CSMD1: variants seen among roughly 807,000 people sequenced by gnomAD.
CSMD1 encodes CUB and Sushi multiple domains 1.
Under a neutral mutation model 417.5 loss-of-function variants are expected in CSMD1, and 213 were observed. The observed-to-expected ratio is 0.51, with a 90% CI of 0.46 to 0.57. The LOEUF is 0.57. CSMD1 is among the 20% of genes least tolerant of loss of function. The pLI, the probability that CSMD1 is intolerant of heterozygous loss-of-function variation, is 0.00. For synonymous variants in CSMD1, 2,862 were observed against 1,736.8 expected, an observed-to-expected ratio of 1.65 and a Z score of -16.11; for missense variants, 6,923 against 4,529.7, an observed-to-expected ratio of 1.53 and a Z score of -15.17.
intron 3 of CSMD1, among the ~76,000 whole-genome samples, chr8:4,096,381 G>T (rs562555006): frequency 2.7e-5 from 4 of 149,966 alleles, no homozygotes; most frequent in Non-Finnish European, 5.9e-5. Flanking sequence ...ATGGCCTAGT[G>T]GATGCCTATG....
chr8:3,367,797 G>C (rs115035062), intron 19 of CSMD1, among the ~76,000 whole-genome samples: 18 of 152,160 alleles, frequency 1.2e-4, no homozygotes, highest in African/African-American at 2.7e-4. Context: ...TATTGGCATA[G>C]ATATGTATAT....
chr8:3,794,215 C>T (rs1799913192), intron 5 of CSMD1, among the ~76,000 whole-genome samples: 1 of 152,112 alleles, frequency 6.6e-6, no homozygotes, highest in African/African-American at 2.4e-5. Flanking sequence ...GAGGGGTTTC[C>T]TTCTTGGGAC....
At chr8:3,852,509 G>A (rs764452165) in intron 5 of CSMD1, among the ~76,000 whole-genome samples, 4 of 152,148 alleles carry the variant, frequency 2.6e-5, no homozygotes, top group Non-Finnish European at 5.9e-5. Flanking sequence ...GACAGTTGAC[G>A]ATAAATTCCA....
rs942208269 is a variant in CSMD1 at position 4,758,642 on chromosome 8, C to A, written c.86-121084G>T. On this transcript the variant is annotated intron_variant, in intron 1 of 69. Transcript: ENST00000635120. ...ACTCAGTTCCACATGGCTGGGGAGG[C>A]CTCAGGAAACTTACAATCATGGCAA... Among the ~76,000 whole-genome samples the A allele has an allele frequency of 2.0e-5, 3 of 152,072 alleles. 1 individual carries two copies. The highest frequency in any genetic ancestry group is 4.4e-5 in the Non-Finnish European group (3 of 68,018).
At chr8:4,013,277 C>A (rs1223015257) in intron 4 of CSMD1, among the ~76,000 whole-genome samples, 4 of 152,188 alleles carry the variant, frequency 2.6e-5, no homozygotes, top group African/African-American at 7.2e-5. Flanking sequence ...ATTATCCCAT[C>A]TGCTCAGGCC....
At chr8:4,190,417 T>G (rs1416110231) in intron 3 of CSMD1, among the ~76,000 whole-genome samples, 1 of 152,134 alleles carries the variant, frequency 6.6e-6, no homozygotes, top group Non-Finnish European at 1.5e-5. Flanking sequence ...CATTTAATGA[T>G]TAACGCTCAT....
intron 6 of CSMD1, among the ~76,000 whole-genome samples, chr8:3,729,235 C>G (rs1802675580): frequency 6.6e-6 from 1 of 152,144 alleles, no homozygotes; most frequent in Admixed American, 6.5e-5. Flanking sequence ...CACACTCTTC[C>G]CTGCCTTTTT....
intron 1 of CSMD1, among the ~76,000 whole-genome samples, chr8:4,904,862 C>A (rs771788266): frequency 3.3e-5 from 5 of 152,104 alleles, no homozygotes; most frequent in African/African-American, 4.8e-5. Flanking sequence ...AAATTACTAC[C>A]TTTCGGGACT....
At chr8:3,278,826 T>A (rs934287443) in intron 26 of CSMD1, 5 of 152,146 alleles carry the variant, frequency 3.3e-5, no homozygotes, top group Admixed American at 3.3e-4. Flanking sequence ...CCAGCTTGAT[T>A]TAGTTTCATG....
At chr8:3,924,114 G>C (rs1041043572) in intron 5 of CSMD1, among the ~76,000 whole-genome samples, 3 of 152,078 alleles carry the variant, frequency 2.0e-5, no homozygotes, top group Non-Finnish European at 4.4e-5. Flanking sequence ...TTGTTGATGC[G>C]GGAAAATCTG....
At chr8:3,984,636 GCCAAGGCT>G (rs1563284643) in intron 5 of CSMD1, among the ~76,000 whole-genome samples, 1 of 146,588 alleles carries the variant, frequency 6.8e-6, no homozygotes, top group African/African-American at 2.5e-5. Flanking sequence ...TGAACAAAAT[GCCAAGGCT>G]TGTTACTTGT....
intron 3 of CSMD1, among the ~76,000 whole-genome samples, chr8:4,293,885 A>G (rs921291732): frequency 2.0e-5 from 3 of 151,960 alleles, no homozygotes; most frequent in African/African-American, 7.2e-5. Context: ...GACCAGATTT[A>G]AGGTTTGATA....
In CSMD1 at chr8:4,131,036, G is replaced by A. The variant is rs185180458; in HGVS notation, c.416-98937C>T. ...CATTAATGACTCCACTGGCTCAAGCGTGATTGGATTTGTCCTAATCCTTTT... is the reference window on the plus strand; with the variant it reads ...CATTAATGACTCCACTGGCTCAAGCATGATTGGATTTGTCCTAATCCTTTT... On this transcript the variant is annotated intron_variant, in intron 3 of 69. Coordinates refer to ENST00000635120, the MANE Select transcript of CSMD1 (RefSeq NM_033225.6). 1.9e-3 allele frequency among the ~76,000 whole-genome samples: 296 copies of A among 152,210 alleles called. 1 individual carries two copies. Among genetic ancestry groups the A allele is most frequent in the South Asian group, 7.7e-3 (37 of 4,826 alleles).
In CSMD1 at chr8:3,201,639, G is replaced by A. The variant is rs1327479010; in HGVS notation, c.5071C>T (p.Leu1691Phe). 6.2e-7 allele frequency: 1 copy of A among 1,604,872 alleles called. No homozygotes were observed. Among genetic ancestry groups the A allele is most frequent in the Non-Finnish European group, 8.5e-7 (1 of 1,175,438 alleles). Residue 1691 changes from leucine (L) to phenylalanine (F), a missense_variant, in exon 32 of 70, where the codon CTC becomes TTC. Physicochemically the swap from Leu to Phe is conservative, Grantham distance 22 (BLOSUM62 0). Coordinates refer to ENST00000635120, the MANE Select transcript of CSMD1 (RefSeq NM_033225.6). ...GAGTGAGACCCCGAGAGTGAGCTGA[G>A]AAGTCTGGCCTGTGCATGGGTTCCA... ...FDGTHAQARL[L>F]SSLSGSHSGE... is the part of the protein sequence containing the mutation.
intron 2 of CSMD1, among the ~76,000 whole-genome samples, chr8:4,531,906 T>C (rs926333704): frequency 3.4e-5 from 5 of 147,808 alleles, no homozygotes; most frequent in Non-Finnish European, 7.4e-5. Flanking sequence ...TCACAGTCAC[T>C]CCGGAAAAGA....
intron 3 of CSMD1, among the ~76,000 whole-genome samples, chr8:4,128,334 G>C (rs1802887987): frequency 6.6e-6 from 1 of 152,176 alleles, no homozygotes; most frequent in African/African-American, 2.4e-5. Context: ...TTAATGAGGA[G>C]ACAAGAACGT....
chr8:3,766,648 A>G (rs1019267599), intron 5 of CSMD1, among the ~76,000 whole-genome samples: 12 of 152,204 alleles, frequency 7.9e-5, no homozygotes, highest in African/African-American at 2.7e-4. Context: ...TCGATACTCA[A>G]AGACTGATAA....
chr8:4,850,382 CTTTTTTTT>C lies in CSMD1; in HGVS notation c.85+143942_85+143949del. The stretch of plus-strand genomic sequence containing the variant: ...TTTATTTTGATGAAATCCAATTTAT[CTTTTTTTT>C]TTTTTTTTTTTTTTTGCTCTTGCCT... On this transcript the variant is annotated intron_variant, in intron 1 of 69. Transcript: ENST00000635120. Among the ~76,000 whole-genome samples the C allele has an allele frequency of 9.0e-4, 70 of 77,848 alleles. 1 individual carries two copies. In the South Asian group the frequency reaches 0.031, roughly 34 times the overall value. The allele number at this position is 77,848 out of a possible 152,430, so 51.1% of individuals were successfully genotyped here.
intron 3 of CSMD1, among the ~76,000 whole-genome samples, chr8:4,225,241 A>G (rs758545224): frequency 6.6e-6 from 1 of 152,244 alleles, no homozygotes; most frequent in Non-Finnish European, 1.5e-5. Flanking sequence ...AGGAGAATCA[A>G]TGACAAACCA....
Sources: gnomAD v4.1 joint callset for allele counts (sites outside exome capture counted in the v4.1 genomes callset) on GRCh38, gnomAD v4.1.1 for gene constraint, MANE v1.5 for transcripts, NCBI Gene and HGNC (gene_info 2026-07-23, HGNC 2026-07-21) for gene names.